The following PAM variants were observed in gnomAD, a reference collection of about 807,000 sequenced individuals.
PAM encodes peptidyl-glycine alpha-amidating monooxygenase.
PAM carries 72 observed loss-of-function variants against 122.1 expected under a neutral mutation model. The ratio of observed to expected loss-of-function variants is 0.59; its 90% CI spans 0.49 to 0.72. The LOEUF (loss-of-function observed/expected upper bound fraction) is 0.72. PAM is among the 30% of genes least tolerant of loss of function. PAM has a pLI of 0.00. For missense variants in PAM, 1,106 were observed against 1,183.7 expected (o/e 0.93, Z 0.96); for synonymous variants, 389 against 404.4 (o/e 0.96, Z 0.46).
At chr5:103,017,296 G>C in intron 21 of PAM, 38 bp from the exon 22 acceptor site, 2 of 1,237,928 alleles carry the variant, frequency 1.6e-6, no homozygotes, top group Middle Eastern at 1.9e-4. Flanking sequence ...TTCAAGTAAA[G>C]GCTCACCACT....
At position 102,804,934 on chromosome 5, in the gene PAM, C is replaced by A. The variant is rs191370384; in HGVS notation, c.-374+49586C>A. ...AAGAAGTTAGTTTCAGGGTCTTGCT[C>A]AACTCTAAACATCAATTTAAGGTGG... On this transcript the variant is annotated intron_variant, in intron 1 of 25. Coordinates refer to ENST00000438793, the MANE Select transcript of PAM (RefSeq NM_001177306.2). 3.5e-3 allele frequency among the ~76,000 whole-genome samples: 540 copies of A among 152,230 alleles called. 1 individual carries two copies. Among genetic ancestry groups the A allele is most frequent in the African/African-American group, 0.012 (508 of 41,520 alleles).
Position 102,926,634 on chromosome 5 carries a change from A to G in PAM, c.492A>G (p.Leu164=), listed in dbSNP as rs376158699. The change falls in exon 7 of 26, where the codon CTA becomes CTG. Residue 164 remains leucine (L), a synonymous_variant. Transcript: ENST00000438793. ...AGACTGGAAGTAAATACTTTGTACT[A>G]CAGGTACACTATGGGGATATTAGTG... The part of the protein sequence containing the change: ...GGETGSKYFV[L]QVHYGDISAF... The G allele has an allele frequency of 1.9e-6, 3 of 1,597,250 alleles. No homozygotes were observed. The highest frequency in any genetic ancestry group is 2.6e-6 in the Non-Finnish European group (3 of 1,164,922).
chr5:102,951,472 G>A (rs142723085), intron 12 of PAM, among the ~76,000 whole-genome samples: 1 of 152,106 alleles, frequency 6.6e-6, no homozygotes. Context: ...AAGAATCAAG[G>A]AGACTTCTTT....
At chr5:102,846,761 C>A (rs1230609112) in intron 1 of PAM, among the ~76,000 whole-genome samples, 3 of 152,144 alleles carry the variant, frequency 2.0e-5, no homozygotes, top group Non-Finnish European at 4.4e-5. Flanking sequence ...TCTGTGCCTG[C>A]TCCCTTCTTC....
At chr5:102,944,146 A>G (rs1017781326) in intron 7 of PAM, among the ~76,000 whole-genome samples, 5 of 152,148 alleles carry the variant, frequency 3.3e-5, no homozygotes, top group Non-Finnish European at 7.4e-5. Flanking sequence ...CATGCATATG[A>G]CATTATAATG....
chr5:102,862,749 C>T (rs1361963346), intron 1 of PAM, among the ~76,000 whole-genome samples: 3 of 152,148 alleles, frequency 2.0e-5, no homozygotes, highest in African/African-American at 4.8e-5. Context: ...AACAGCCCTA[C>T]GAGGTAGGTA....
chr5:102,919,203 G>C (rs1013980842), intron 5 of PAM, among the ~76,000 whole-genome samples: 3 of 151,996 alleles, frequency 2.0e-5, no homozygotes, highest in Non-Finnish European at 1.5e-5. Context: ...CTTTTTAAAT[G>C]CCACTATCTC....
intron 1 of PAM, among the ~76,000 whole-genome samples, chr5:102,800,771 T>C (rs1477600944): frequency 1.3e-5 from 2 of 152,176 alleles, no homozygotes; most frequent in Non-Finnish European, 2.9e-5. Flanking sequence ...CAAGAGCTGG[T>C]CCTGATCACT....
intron 16 of PAM, among the ~76,000 whole-genome samples, chr5:102,992,841 G>C (rs1219461285): frequency 6.6e-6 from 1 of 151,928 alleles, no homozygotes; most frequent in Admixed American, 6.6e-5. Context: ...ATAAGACCAG[G>C]GCATATTCTA....
Position 102,866,185 on chromosome 5 carries a change from T to G in PAM, c.-11T>G, listed in dbSNP as rs760032011. The G allele has an allele frequency of 6.2e-7, 1 of 1,603,596 alleles. No homozygotes were observed. The highest frequency in any genetic ancestry group is 1.3e-5 in the African/African-American group (1 of 74,872). On this transcript the variant is annotated 5_prime_UTR_variant, in exon 2 of 26. Transcript: ENST00000438793. Reference sequence around the variant, plus strand: ...CCGGTCCTCTCCCGGCGGGGTCGTATCGGCGTGGACATGGCTGGCCGCGTC... The same window carrying G: ...CCGGTCCTCTCCCGGCGGGGTCGTAGCGGCGTGGACATGGCTGGCCGCGTC...
At chr5:103,026,348 A>G (rs1054031428) in intron 24 of PAM, among the ~76,000 whole-genome samples, 2 of 152,212 alleles carry the variant, frequency 1.3e-5, no homozygotes, top group Non-Finnish European at 1.5e-5. Context: ...CAGCCATGGC[A>G]GGGATTCAGT....
In PAM at chr5:103,028,947, GA is replaced by G; in HGVS notation, c.2808del (p.Phe938LeufsTer43). 1 of 1,613,776 alleles carries G rather than the reference GA, an allele frequency of 6.2e-7. No individual in the cohort carries two copies. Among genetic ancestry groups the G allele is most frequent in the Non-Finnish European group, 8.5e-7 (1 of 1,179,792 alleles). ...TTTGCAAGCCGTAAGGGCTACAGTC[GA>G]AAAGGGTTTGACCGGCTTAGCACTG... ...NFFASRKGYS[R>X]KGFDRLSTEG... On this transcript the variant is annotated frameshift_variant, in exon 26 of 26. Coordinates refer to ENST00000438793, the MANE Select transcript of PAM (RefSeq NM_001177306.2). LOFTEE classifies it high-confidence loss of function.
chr5:102,836,387 T>C (rs913599582), intron 1 of PAM, among the ~76,000 whole-genome samples: 1 of 152,098 alleles, frequency 6.6e-6, no homozygotes, highest in African/African-American at 2.4e-5. Flanking sequence ...TTTGAAACAT[T>C]CCTTTTTGTT....
chr5:102,940,059 C>T (rs574060982), intron 7 of PAM, among the ~76,000 whole-genome samples: 25 of 150,942 alleles, frequency 1.7e-4, no homozygotes, highest in Non-Finnish European at 2.8e-4. Flanking sequence ...CATTGTTGCA[C>T]AAAATAGTTG....
chr5:102,970,776 C>CT (rs1765569203), intron 14 of PAM, among the ~76,000 whole-genome samples: 1 of 139,004 alleles, frequency 7.2e-6, no homozygotes, highest in Admixed American at 7.1e-5. Context: ...GGCTAGGAAC[C>CT]TAAAAGGGCT....
chr5:102,883,563 G>C (rs971846594), intron 3 of PAM, among the ~76,000 whole-genome samples: 5 of 151,888 alleles, frequency 3.3e-5, no homozygotes, highest in African/African-American at 1.2e-4. Flanking sequence ...CATTAATTTT[G>C]TATCCTGAAA....
At position 103,028,931 on chromosome 5, in the gene PAM, C is replaced by T. The variant is rs751569153; in HGVS notation, c.2788C>T (p.Arg930Cys). ...GLNLGNFFAS[R>C]KGYSRKGFDR... is the part of the protein sequence containing the mutation. ...AAACCTTGGTAATTTCTTTGCAAGC[C>T]GTAAGGGCTACAGTCGAAAAGGGTT... is the stretch of plus-strand genomic sequence containing the variant. The change falls in exon 26 of 26, where the codon CGT (arginine) becomes TGT (cysteine). Residue 930 changes from arginine to cysteine, a missense_variant. Physicochemically the swap from Arg to Cys is radical, Grantham distance 180. Coordinates refer to ENST00000438793, the MANE Select transcript of PAM (RefSeq NM_001177306.2). 32 of 1,612,526 alleles carry T rather than the reference C, an allele frequency of 2.0e-5. No homozygotes were observed. The highest frequency in any genetic ancestry group is 1.6e-4 in the Middle Eastern group (1 of 6,072).
At chr5:103,011,219 T>G (rs1398876491) in intron 21 of PAM, among the ~76,000 whole-genome samples, 1 of 152,166 alleles carries the variant, frequency 6.6e-6, no homozygotes, top group Non-Finnish European at 1.5e-5. Context: ...TTCCCATCTT[T>G]ATCTATACTC....
In PAM at chr5:102,948,361, GTTA is replaced by G. The variant is rs1448273373; in HGVS notation, c.576-14_576-12del. The G allele has an allele frequency of 7.4e-6, 11 of 1,485,660 alleles. No individual in the cohort carries two copies. The Admixed American group carries it at 1.4e-4, about 18-fold the overall frequency. 92.0% of individuals were successfully genotyped at this position (1,485,660 alleles called of 1,614,324 possible). ...ACTTTTTCAGGTATTTTAGAAAAAT[GTTA>G]TTTTTTTCTGCAGACAGCCTTTAAT... On this transcript the variant is annotated splice_polypyrimidine_tract_variant and intron_variant, in intron 8 of 25. Transcript: ENST00000438793.
Sources: allele counts gnomAD v4.1 joint callset (sites outside exome capture counted in the v4.1 genomes callset), GRCh38; gene constraint gnomAD v4.1.1; transcripts MANE v1.5; gene names NCBI Gene and HGNC (gene_info 2026-07-23, HGNC 2026-07-21).